The following HSD17B7 variants were observed in gnomAD, a reference collection of about 807,000 sequenced individuals.
HSD17B7 encodes hydroxysteroid 17-beta dehydrogenase 7.
HSD17B7 carries 17 observed loss-of-function variants against 34.1 expected under a neutral mutation model. The observed-to-expected ratio is 0.50, with a 90% CI of 0.34 to 0.75. HSD17B7 has a LOEUF of 0.75. Among genes scored for constraint, HSD17B7 ranks in the 30% least tolerant of loss-of-function variants. The pLI, the probability that HSD17B7 is intolerant of heterozygous loss-of-function variation, is 0.01. For missense variants in HSD17B7, 296 were observed against 406.6 expected (o/e 0.73, Z 2.34); for synonymous variants, 122 against 154.6 (o/e 0.79, Z 1.56).
intron 6 of HSD17B7, 25 bp downstream of exon 6, chr1:162,803,560 C>T (rs748528199): frequency 1.2e-6 from 2 of 1,607,554 alleles, no homozygotes; most frequent in East Asian, 2.2e-5. Context: ...TACTTCTTTT[C>T]TTAACTCATA....
intron 2 of HSD17B7, 170 bp downstream of exon 2, chr1:162,793,032 T>TTTTC (rs1648470069): frequency 1.6e-5 from 5 of 312,672 alleles, no homozygotes; most frequent in South Asian, 5.9e-5. Flanking sequence ...GTTTTCTTTC[T>TTTTC]TTTTTTTTTT....
intron 2 of HSD17B7, among the ~76,000 whole-genome samples, chr1:162,794,093 G>C (rs895345783): frequency 2.6e-5 from 4 of 152,108 alleles, no homozygotes; most frequent in Non-Finnish European, 4.4e-5. Context: ...TTTTTAAATT[G>C]TAAGAGGAAT....
At chr1:162,797,978 G>C in intron 4 of HSD17B7, 62 bp downstream of exon 4, 1 of 1,577,426 alleles carries the variant, frequency 6.3e-7, no homozygotes, top group Non-Finnish European at 8.6e-7. Context: ...AAAGCTCTGG[G>C]CACAGGGCAT....
Position 162,790,744 on chromosome 1 carries a change from A to T in HSD17B7, c.-57A>T. 1 of 1,137,222 alleles carries T rather than the reference A, an allele frequency of 8.8e-7. No homozygotes were observed. The highest frequency in any genetic ancestry group is 1.3e-6 in the Non-Finnish European group (1 of 761,716). The allele number at this position is 1,137,222 out of a possible 1,614,324, so 70.4% of individuals were successfully genotyped here. On this transcript the variant is annotated 5_prime_UTR_variant, in exon 1 of 9. Coordinates refer to ENST00000254521, the MANE Select transcript of HSD17B7 (RefSeq NM_016371.4). ...GGGTGAGGCGGCCCGAAATCGTAGG[A>T]CTTCCGAAAGCAGCGGCGGTGTTTG...
chr1:162,799,885 A>G lies in HSD17B7; in HGVS notation c.590A>G (p.Lys197Arg), dbSNP rs1388708713. Residue 197 changes from lysine (K) to arginine (R), a missense_variant, in exon 5 of 9, where the codon AAA becomes AGA. Coordinates refer to ENST00000254521, the MANE Select transcript of HSD17B7 (RefSeq NM_016371.4). ...SKGKEPYSSS[K>R]YATDLLSVAL... ...GGCAAGGAACCCTACAGCTCTTCCA[A>G]ATATGCCACTGACCTTTTGAGTGTG... is the stretch of plus-strand genomic sequence containing the variant. 3.1e-6 allele frequency: 5 copies of G among 1,613,998 alleles called. No individual in the cohort carries two copies. The highest frequency in any genetic ancestry group is 3.4e-6 in the Non-Finnish European group (4 of 1,180,010).
At chr1:162,810,685 T>A (rs1649144695) in intron 8 of HSD17B7, among the ~76,000 whole-genome samples, 1 of 152,138 alleles carries the variant, frequency 6.6e-6, no homozygotes, top group Admixed American at 6.5e-5. Flanking sequence ...GTTGAATTGA[T>A]CCCTTTACCA....
chr1:162,792,624 A>G, intron 1 of HSD17B7, 35 bp from the exon 2 acceptor site: 1 of 1,593,776 alleles, frequency 6.3e-7, no homozygotes, highest in African/African-American at 1.3e-5. Context: ...GCCATCCCAG[A>G]TAACCCACAT....
chr1:162,806,883 G>A (rs902307782), intron 8 of HSD17B7, among the ~76,000 whole-genome samples: 1 of 152,188 alleles, frequency 6.6e-6, no homozygotes, highest in Non-Finnish European at 1.5e-5. Flanking sequence ...AAAAGATGGG[G>A]TTGAACTAGA....
chr1:162,796,632 A>C lies in HSD17B7; in HGVS notation c.287A>C (p.Asn96Thr). ...CIYLNAGIMPNPQLNIKALFF... is the reference protein window; with the variant it reads ...CIYLNAGIMPTPQLNIKALFF... ...TATCTAAATGCTGGGATCATGCCTAATCCACAACTAAATATCAAAGCACTT... is the reference window on the plus strand; with the variant it reads ...TATCTAAATGCTGGGATCATGCCTACTCCACAACTAAATATCAAAGCACTT... The change falls in exon 3 of 9, where the codon AAT becomes ACT. Residue 96 changes from asparagine (N) to threonine (T), a missense_variant. Transcript: ENST00000254521. 1 of 1,612,708 alleles carries C rather than the reference A, an allele frequency of 6.2e-7. No homozygotes were observed. Among genetic ancestry groups the C allele is most frequent in the Non-Finnish European group, 8.5e-7 (1 of 1,178,802 alleles).
At chr1:162,791,767 T>C (rs533465580) in intron 1 of HSD17B7, among the ~76,000 whole-genome samples, 1 of 152,152 alleles carries the variant, frequency 6.6e-6, no homozygotes, top group East Asian at 2.0e-4. Context: ...TGCAATTGTA[T>C]ATTAAATGCC....
chr1:162,792,540 T>A (rs1648443967), intron 1 of HSD17B7, 119 bp from the exon 2 acceptor site: 1 of 1,353,946 alleles, frequency 7.4e-7, no homozygotes, highest in Non-Finnish European at 9.9e-7. Flanking sequence ...GAGTCTTTTC[T>A]TTCTATCTGG....
At chr1:162,800,537 G>C (rs1369849745) in intron 5 of HSD17B7, among the ~76,000 whole-genome samples, 1 of 152,222 alleles carries the variant, frequency 6.6e-6, no homozygotes, top group African/African-American at 2.4e-5. Flanking sequence ...GAGGATCTCA[G>C]TTTATGGGAT....
At chr1:162,805,280 G>A (rs1169167260) in intron 7 of HSD17B7, 114 bp from the exon 8 acceptor site, 1 of 1,408,102 alleles carries the variant, frequency 7.1e-7, no homozygotes, top group Non-Finnish European at 9.4e-7. Context: ...TGATATTTGA[G>A]AGGATGTTTA....
Position 162,807,219 on chromosome 1 carries a change from C to T in HSD17B7, c.903+1727C>T, listed in dbSNP as rs374351283. 3.8e-4 allele frequency among the ~76,000 whole-genome samples: 58 copies of T among 152,144 alleles called. No individual in the cohort carries two copies. In the East Asian group the frequency reaches 5.4e-3, roughly 14 times the overall value. The stretch of plus-strand genomic sequence containing the variant: ...GTTCCCACCTATGAGTGAGAACATG[C>T]GGTGTTTGGTTTTTTGTCCTTGTGA... On this transcript the variant is annotated intron_variant, in intron 8 of 8. Transcript: ENST00000254521.
chr1:162,810,734 G>A (rs1477436703), intron 8 of HSD17B7, among the ~76,000 whole-genome samples: 1 of 152,052 alleles, frequency 6.6e-6, no homozygotes, highest in African/African-American at 2.4e-5. Context: ...ATCTTTGTTG[G>A]TTTAAAGTCT....
At chr1:162,791,319 A>C (rs887772725) in intron 1 of HSD17B7, among the ~76,000 whole-genome samples, 3 of 148,486 alleles carry the variant, frequency 2.0e-5, no homozygotes, top group Non-Finnish European at 4.5e-5. Flanking sequence ...TAGAGAGCTA[A>C]CATACTCTTC....
At chr1:162,806,485 A>G (rs1648984723) in intron 8 of HSD17B7, among the ~76,000 whole-genome samples, 2 of 152,250 alleles carry the variant, frequency 1.3e-5, no homozygotes, top group South Asian at 2.1e-4. Flanking sequence ...AAATTGAACC[A>G]TGCTTCATAT....
chr1:162,798,951 G>T, intron 4 of HSD17B7: 1 of 253,064 alleles, frequency 4.0e-6, no homozygotes, highest in South Asian at 3.2e-5. Context: ...CCGAGGTCAT[G>T]CCATTGGACT....
chr1:162,791,691 T>TA (rs1451849057), intron 1 of HSD17B7, among the ~76,000 whole-genome samples: 1 of 150,020 alleles, frequency 6.7e-6, no homozygotes, highest in East Asian at 2.0e-4. Context: ...TGGTGCTTCT[T>TA]ATGTGGAAGG....
Sources: gnomAD v4.1 joint callset for allele counts (sites outside exome capture counted in the v4.1 genomes callset) on GRCh38, gnomAD v4.1.1 for gene constraint, MANE v1.5 for transcripts, NCBI Gene and HGNC (gene_info 2026-07-23, HGNC 2026-07-21) for gene names.